Variants in GBF1 observed in about 807,000 individuals in gnomAD.
The protein encoded by GBF1 is Golgi-specific brefeldin A-resistance guanine nucleotide exchange factor 1.
GBF1 carries 114 observed loss-of-function variants against 210.5 expected under a neutral mutation model. The ratio of observed to expected loss-of-function variants is 0.54; its 90% confidence interval spans 0.47 to 0.63. The LOEUF (loss-of-function observed/expected upper bound fraction) is 0.63, where lower values mean the gene tolerates loss of function less well. Among genes scored for constraint, GBF1 ranks in the 30% least tolerant of loss-of-function variants. The pLI, the probability that GBF1 is intolerant of heterozygous loss-of-function variation, is 0.00. For synonymous variants in GBF1, 850 were observed against 889.2 expected (o/e 0.96, Z 0.78); for missense variants, 1,851 against 2,357.7 (o/e 0.79, Z 4.45).
chr10:102,260,470 T>G (rs12774960), intron 3 of GBF1, among the ~76,000 whole-genome samples: 1 of 108,476 alleles, frequency 9.2e-6, no homozygotes, highest in African/African-American at 4.2e-5. Context: ...TATATTTTCC[T>G]TTCTTCTTTT....
intron 29 of GBF1, among the ~76,000 whole-genome samples, chr10:102,374,746 A>G (rs2060400596): frequency 6.6e-6 from 1 of 152,254 alleles, no homozygotes; most frequent in Non-Finnish European, 1.5e-5. Flanking sequence ...ATCAGATAGT[A>G]TCTTGATTAT....
chr10:102,332,840 C>T (rs886559442), intron 3 of GBF1, among the ~76,000 whole-genome samples: 1 of 152,078 alleles, frequency 6.6e-6, no homozygotes, highest in Admixed American at 6.6e-5. Context: ...TTAATAGCCC[C>T]CTAAGTCTAG....
At chr10:102,305,839 T>C (rs1008301399) in intron 3 of GBF1, among the ~76,000 whole-genome samples, 10 of 152,218 alleles carry the variant, frequency 6.6e-5, no homozygotes, top group Non-Finnish European at 1.5e-4. Context: ...TTGTGGGTGC[T>C]TTGTGTAATA....
At chr10:102,237,125 C>A in the GBF1 span, among the ~76,000 whole-genome samples, 1 of 152,074 alleles carries the variant, frequency 6.6e-6, no homozygotes, top group Admixed American at 6.5e-5. Context: ...AAGAGGGATC[C>A]CAAGAACAGT....
intron 3 of GBF1, among the ~76,000 whole-genome samples, chr10:102,295,619 AGTTGCTAATTATTGAGGCTGGG>A (rs2076849126): frequency 6.6e-6 from 1 of 152,194 alleles, no homozygotes; most frequent in South Asian, 2.1e-4. Flanking sequence ...ATAAGCCCTA[AGTTGCTAATTATTGAGGCTGGG>A]TTTGGGATAT....
At chr10:102,260,346 G>T (rs2073029796) in intron 3 of GBF1, among the ~76,000 whole-genome samples, 1 of 152,010 alleles carries the variant, frequency 6.6e-6, no homozygotes, top group African/African-American at 2.4e-5. Flanking sequence ...ATTTCATAGA[G>T]ACAGGGTCTT....
intron 1 of GBF1, among the ~76,000 whole-genome samples, chr10:102,246,054 G>A (rs895836812): frequency 6.6e-5 from 10 of 152,188 alleles, no homozygotes; most frequent in African/African-American, 2.2e-4. Flanking sequence ...GCTTGACCTA[G>A]TATTTAGCTT....
At chr10:102,373,357 C>T (rs1485517942) in intron 29 of GBF1, among the ~76,000 whole-genome samples, 1 of 152,104 alleles carries the variant, frequency 6.6e-6, no homozygotes, top group Non-Finnish European at 1.5e-5. Context: ...GGTGGATCAC[C>T]TGAGGTCAGG....
At position 102,250,050 on chromosome 10, in the gene GBF1, T is replaced by C. The variant is rs182064797; in HGVS notation, c.-11+4269T>C. Among the ~76,000 whole-genome samples the C allele has an allele frequency of 3.0e-3, 454 of 151,190 alleles. 2 individuals are homozygous for C. Among genetic ancestry groups the C allele is most frequent in the Non-Finnish European group, 5.4e-3 (369 of 67,898 alleles). On this transcript the variant is annotated intron_variant, in intron 1 of 39. Coordinates refer to ENST00000369983, the MANE Select transcript of GBF1 (RefSeq NM_001377137.1). ...CCTTAGAAGGGCCTATTGCTGGTCC[T>C]TTAGCTCCCTACTACCATCTACCTT...
At chr10:102,331,030 C>T (rs964271459) in intron 3 of GBF1, among the ~76,000 whole-genome samples, 6 of 152,050 alleles carry the variant, frequency 3.9e-5, no homozygotes, top group African/African-American at 9.7e-5. Flanking sequence ...GCAAAAATGA[C>T]GATTTCAGGA....
At chr10:102,341,585 G>C (rs2058185276) in intron 3 of GBF1, among the ~76,000 whole-genome samples, 1 of 152,124 alleles carries the variant, frequency 6.6e-6, no homozygotes, top group African/African-American at 2.4e-5. Context: ...GATACATACA[G>C]GCAATGAATA....
chr10:102,247,715 C>A (rs2071020025), intron 1 of GBF1, among the ~76,000 whole-genome samples: 1 of 152,102 alleles, frequency 6.6e-6, no homozygotes, highest in Admixed American at 6.5e-5. Context: ...AATTCCCACT[C>A]CTACCCACAA....
rs2059690888 is a variant in GBF1 at position 102,362,812 on chromosome 10, G to A, written c.1876+148G>A. On this transcript the variant is annotated intron_variant, in intron 15 of 39. Transcript: ENST00000369983. ...CTTTGGCAGTTTAAATCACAGGCCA[G>A]TCAGGCAGATTAGTAGAACTCATAG... 1.1e-5 allele frequency: 7 copies of A among 633,650 alleles called. No homozygotes were observed. The South Asian group carries it at 1.2e-4, about 11-fold the overall frequency. 39.3% of individuals were successfully genotyped at this position (633,650 alleles called of 1,614,324 possible).
chr10:102,252,092 C>T (rs2071611531), intron 1 of GBF1, among the ~76,000 whole-genome samples: 1 of 152,054 alleles, frequency 6.6e-6, no homozygotes, highest in Non-Finnish European at 1.5e-5. Flanking sequence ...GTAATCCCAG[C>T]ACTTTGGGAG....
chr10:102,353,387 A>C (rs1301116058), intron 7 of GBF1, among the ~76,000 whole-genome samples: 1 of 152,154 alleles, frequency 6.6e-6, no homozygotes, highest in Non-Finnish European at 1.5e-5. Flanking sequence ...TTGCTCTCAC[A>C]ACTACCTCCT....
rs1006084050 is a variant in GBF1 at position 102,376,674 on chromosome 10, A to G, written c.4162A>G (p.Lys1388Glu). 1 of 1,613,874 alleles carries G rather than the reference A, an allele frequency of 6.2e-7. No individual in the cohort carries two copies. Residue 1388 changes from lysine (K) to glutamate (E), a missense_variant, in exon 32 of 40, where the codon AAG becomes GAG. Physicochemically the swap from Lys to Glu is moderately conservative, Grantham distance 56. Coordinates refer to ENST00000369983, the MANE Select transcript of GBF1 (RefSeq NM_001377137.1). ...VGLDLGPHDT[K>E]SLLKCVESLS... ...ACTGGATTTGGGGCCACACGACACT[A>G]AGTCTCTGCTTAAGTGTGTGGAATC... is the stretch of plus-strand genomic sequence containing the variant.
In GBF1 at chr10:102,363,517, A is replaced by G. The variant is rs562040573; in HGVS notation, c.2017+121A>G. Reference sequence around the variant, plus strand: ...AGCCTTGGTAGCCCGCCTCGCCTTCAGACTCAGAGAGAGGGAAGCAAACAT... The same window carrying G: ...AGCCTTGGTAGCCCGCCTCGCCTTCGGACTCAGAGAGAGGGAAGCAAACAT... On this transcript the variant is annotated intron_variant, in intron 16 of 39. Coordinates refer to ENST00000369983, the MANE Select transcript of GBF1 (RefSeq NM_001377137.1). The surrounding 1 kb of genome is among the most constrained non-coding windows in gnomAD (Gnocchi z 4.2). 1.2e-5 allele frequency: 12 copies of G among 977,676 alleles called. No homozygotes were observed. In the African/African-American group the frequency reaches 1.5e-4, roughly 12 times the overall value. 60.6% of individuals were successfully genotyped at this position (977,676 alleles called of 1,614,324 possible).
chr10:102,264,319 T>C (rs1433986877), intron 3 of GBF1, among the ~76,000 whole-genome samples: 1 of 152,244 alleles, frequency 6.6e-6, no homozygotes, highest in African/African-American at 2.4e-5. Context: ...GTTCAGCTTC[T>C]GGCCCAGTTT....
chr10:102,252,363 TA>T (rs2133922099), intron 1 of GBF1, among the ~76,000 whole-genome samples: 1 of 141,314 alleles, frequency 7.1e-6, no homozygotes, highest in Non-Finnish European at 1.5e-5. Context: ...AGTGGAAAAA[TA>T]AATAAATAAA....
Sources: allele counts gnomAD v4.1 joint callset (sites outside exome capture counted in the v4.1 genomes callset), GRCh38; gene constraint gnomAD v4.1.1; non-coding constraint Gnocchi (gnomAD v3.1); transcripts MANE v1.5; gene names NCBI Gene and HGNC (gene_info 2026-07-23, HGNC 2026-07-21).